CFAP20DC: variants seen among roughly 807,000 people sequenced by gnomAD.
The protein encoded by CFAP20DC is CFAP20 domain containing.
A neutral mutation model predicts 101.7 loss-of-function variants in CFAP20DC; 84 were observed. The ratio of observed to expected loss-of-function variants is 0.83; its 90% CI spans 0.69 to 0.99. The LOEUF (loss-of-function observed/expected upper bound fraction) is 0.99, where lower values mean the gene tolerates loss of function less well. CFAP20DC is among the 50% of genes least tolerant of loss of function. CFAP20DC has a pLI of 0.00. For synonymous variants in CFAP20DC, 359 were observed against 351.2 expected, an observed-to-expected ratio of 1.02 and a Z score of -0.25; for missense variants, 1,007 against 970.3, an observed-to-expected ratio of 1.04 and a Z score of -0.50.
Position 58,890,746 on chromosome 3 carries a change from G to A in CFAP20DC, c.551-6037C>T, listed in dbSNP as rs1335489066. 6.0e-5 allele frequency among the ~76,000 whole-genome samples: 9 copies of A among 150,598 alleles called. No homozygotes were observed. In the East Asian group the frequency reaches 8.0e-4, roughly 13 times the overall value. On this transcript the variant is annotated intron_variant, in intron 6 of 16. Coordinates refer to ENST00000482387, the MANE Select transcript of CFAP20DC (RefSeq NM_001394063.1). The stretch of plus-strand genomic sequence containing the variant: ...CAGAGACGCTCCTCACCTCCCAGAC[G>A]GGGTTGCGGCCGGGCAGAGGCGCTC...
At position 58,816,700 on chromosome 3, in the gene CFAP20DC, G is replaced by A. The variant is rs941628709; in HGVS notation, c.2176-10244C>T. Among the ~76,000 whole-genome samples the A allele has an allele frequency of 5.3e-5, 8 of 152,200 alleles. No individual in the cohort carries two copies. The South Asian group carries it at 1.0e-3, about 20-fold the overall frequency. ...TCTGAGATCAAACTGCAAGGTGGAA[G>A]CGAGGCTGGGGGAGGGGCGCCCGCC... is the stretch of plus-strand genomic sequence containing the variant. On this transcript the variant is annotated intron_variant, in intron 14 of 16. Transcript: ENST00000482387.
At chr3:58,951,226 A>T (rs2090066927) in intron 4 of CFAP20DC, among the ~76,000 whole-genome samples, 1 of 152,268 alleles carries the variant, frequency 6.6e-6, no homozygotes, top group Non-Finnish European at 1.5e-5. Flanking sequence ...CACACCAGTT[A>T]GAATGGTGAT....
intron 14 of CFAP20DC, among the ~76,000 whole-genome samples, chr3:58,817,044 C>A (rs994223054): frequency 6.6e-6 from 1 of 152,060 alleles, no homozygotes; most frequent in South Asian, 2.1e-4. Flanking sequence ...ACACCTCACA[C>A]GGCAGGGTAT....
intron 14 of CFAP20DC, among the ~76,000 whole-genome samples, chr3:58,821,445 C>T (rs1034999065): frequency 6.6e-6 from 1 of 152,092 alleles, no homozygotes; most frequent in Non-Finnish European, 1.5e-5. Flanking sequence ...AACAAATTCA[C>T]AAGAAAAAAA....
intron 4 of CFAP20DC, among the ~76,000 whole-genome samples, chr3:58,948,317 T>C (rs1180238516): frequency 6.6e-6 from 1 of 152,216 alleles, no homozygotes; most frequent in Non-Finnish European, 1.5e-5. Context: ...TCTATCACAG[T>C]TTGAGTTGAA....
chr3:58,979,716 G>T (rs2092441647), intron 4 of CFAP20DC, among the ~76,000 whole-genome samples: 1 of 152,098 alleles, frequency 6.6e-6, no homozygotes, highest in African/African-American at 2.4e-5. Context: ...CTTGCCAAAG[G>T]ATTGCTTGAA....
intron 4 of CFAP20DC, among the ~76,000 whole-genome samples, chr3:58,963,772 TCCTAAGCCCCAGAA>T (rs2091336080): frequency 6.6e-6 from 1 of 151,986 alleles, no homozygotes; most frequent in Non-Finnish European, 1.5e-5. Context: ...AAAAATAAAA[TCCTAAGCCCCAGAA>T]CTGATTGAAC....
intron 1 of CFAP20DC, among the ~76,000 whole-genome samples, chr3:59,047,921 G>T (rs146146556): frequency 1.3e-5 from 2 of 152,282 alleles, no homozygotes; most frequent in African/African-American, 4.8e-5. Context: ...GAGGGATTTG[G>T]AAATTCCTAT....
At chr3:58,804,295 T>C (rs2073905911) in intron 15 of CFAP20DC, among the ~76,000 whole-genome samples, 1 of 152,126 alleles carries the variant, frequency 6.6e-6, no homozygotes, top group Non-Finnish European at 1.5e-5. Flanking sequence ...CTCCTTTTAT[T>C]GAAACAAATG....
intron 4 of CFAP20DC, among the ~76,000 whole-genome samples, chr3:58,951,710 G>C (rs1043896411): frequency 6.6e-5 from 10 of 151,626 alleles, no homozygotes; most frequent in Admixed American, 2.6e-4. Flanking sequence ...TGAACAATGA[G>C]ATCACATGGA....
intron 3 of CFAP20DC, among the ~76,000 whole-genome samples, chr3:58,735,127 TACACACAGAC>T (rs2067721950): frequency 6.6e-6 from 1 of 152,156 alleles, no homozygotes; most frequent in Non-Finnish European, 1.5e-5. Context: ...ATAAAACAGA[TACACACAGAC>T]ACACACATAC....
intron 3 of CFAP20DC, among the ~76,000 whole-genome samples, chr3:58,731,180 T>C (rs1242095772): frequency 6.6e-6 from 1 of 152,212 alleles, no homozygotes; most frequent in Admixed American, 6.5e-5. Flanking sequence ...TCAGTTGTAG[T>C]CTTCACTGTG....
chr3:58,825,789 CT>C (rs2075999661), intron 14 of CFAP20DC, among the ~76,000 whole-genome samples: 1 of 152,104 alleles, frequency 6.6e-6, no homozygotes, highest in Non-Finnish European at 1.5e-5. Flanking sequence ...AAGTTAGAAA[CT>C]TTGAAAAATT....
chr3:58,984,087 A>C (rs1364154994), intron 4 of CFAP20DC, among the ~76,000 whole-genome samples: 2 of 152,338 alleles, frequency 1.3e-5, no homozygotes, highest in African/African-American at 4.8e-5. Flanking sequence ...AAGGGAAAGA[A>C]TGCTTATAAG....
intron 4 of CFAP20DC, among the ~76,000 whole-genome samples, chr3:58,961,361 C>T (rs1227895094): frequency 1.3e-5 from 2 of 152,102 alleles, no homozygotes; most frequent in African/African-American, 4.8e-5. Context: ...TGAGACAAGC[C>T]TGGCCAACAT....
At chr3:58,999,716 TAC>T (rs1315995620) in intron 4 of CFAP20DC, among the ~76,000 whole-genome samples, 1 of 151,956 alleles carries the variant, frequency 6.6e-6, no homozygotes, top group Non-Finnish European at 1.5e-5. Flanking sequence ...CACTAGAAAA[TAC>T]AGTTTCAACT....
At chr3:58,804,843 T>C (rs567455349) in intron 15 of CFAP20DC, among the ~76,000 whole-genome samples, 2 of 152,356 alleles carry the variant, frequency 1.3e-5, no homozygotes, top group South Asian at 4.1e-4. Flanking sequence ...TTCTTATATA[T>C]ATTGAAATTC....
chr3:59,049,559 C>A, intron 1 of CFAP20DC, 52 bp downstream of exon 1: 1 of 1,498,314 alleles, frequency 6.7e-7, no homozygotes. Context: ...CACGGACTAC[C>A]TCACCCAAGA....
intron 12 of CFAP20DC, among the ~76,000 whole-genome samples, chr3:58,852,181 C>T (rs2078307310): frequency 6.6e-6 from 1 of 152,116 alleles, no homozygotes; most frequent in South Asian, 2.1e-4. Flanking sequence ...CATGTTTCTT[C>T]TCCTGTGACA....
Sources: gnomAD v4.1 joint callset for allele counts (sites outside exome capture counted in the v4.1 genomes callset) on GRCh38, gnomAD v4.1.1 for gene constraint, MANE v1.5 for transcripts, NCBI Gene and HGNC (gene_info 2026-07-23, HGNC 2026-07-21) for gene names.